Variants in DLGAP1 observed in about 807,000 individuals in gnomAD.
The protein encoded by DLGAP1 is DLG associated protein 1, also known as disks large-associated protein 1.
In DLGAP1, 11 loss-of-function variants were observed where a neutral mutation model predicts 90.8. The observed-to-expected ratio is 0.12, with a 90% CI of 0.08 to 0.20. The LOEUF (loss-of-function observed/expected upper bound fraction) is 0.20, where lower values mean the gene tolerates loss of function less well. Ranked by LOEUF, DLGAP1 falls within the 10% of genes least tolerant of loss-of-function variation. DLGAP1 has a pLI of 1.00. For missense variants in DLGAP1, 1,050 were observed against 1,333.8 expected, an observed-to-expected ratio of 0.79 and a Z score of 3.31; for synonymous variants, 558 against 540.7, an observed-to-expected ratio of 1.03 and a Z score of -0.44.
intron 7 of DLGAP1, among the ~76,000 whole-genome samples, chr18:3,684,777 A>G (rs2060639448): frequency 1.9e-5 from 1 of 51,990 alleles, no homozygotes; most frequent in African/African-American, 1.6e-4. Context: ...TGAAACAGGA[A>G]AAAAAATGTC....
chr18:4,253,326 TCAG>T (rs2078821908), intron 1 of DLGAP1, among the ~76,000 whole-genome samples: 2 of 152,138 alleles, frequency 1.3e-5, no homozygotes, highest in Admixed American at 1.3e-4. Context: ...AAGATAAGTT[TCAG>T]TGAGAAAAGG....
At chr18:3,825,370 C>T (rs62085185) in intron 4 of DLGAP1, among the ~76,000 whole-genome samples, 8,737 of 152,212 alleles carry the variant, frequency 0.057, 368 homozygotes, top group Non-Finnish European at 0.078. Flanking sequence ...TTCCAGGATA[C>T]CAAAATCCGT....
At chr18:3,520,011 G>T (rs1034373206) in intron 10 of DLGAP1, among the ~76,000 whole-genome samples, 1 of 151,984 alleles carries the variant, frequency 6.6e-6, no homozygotes, top group Non-Finnish European at 1.5e-5. Context: ...AAACCTGCAC[G>T]TTCAGCACAT....
chr18:3,834,162 C>T (rs879358302), intron 4 of DLGAP1, among the ~76,000 whole-genome samples: 10 of 151,706 alleles, frequency 6.6e-5, no homozygotes, highest in East Asian at 5.8e-4. Flanking sequence ...AAAAATTAGC[C>T]GGGTGTGGTG....
At chr18:4,003,080 C>T (rs1189304289) in intron 3 of DLGAP1, among the ~76,000 whole-genome samples, 1 of 152,164 alleles carries the variant, frequency 6.6e-6, no homozygotes, top group African/African-American at 2.4e-5. Context: ...AGCTTTGAGC[C>T]CTGATTCTTC....
At chr18:4,338,738 T>C (rs1030582267) in intron 1 of DLGAP1, among the ~76,000 whole-genome samples, 1 of 152,220 alleles carries the variant, frequency 6.6e-6, no homozygotes, top group Admixed American at 6.5e-5. Flanking sequence ...TCTTTATACA[T>C]AGATTGAGAA....
At chr18:4,128,116 T>G (rs1171476990) in intron 2 of DLGAP1, among the ~76,000 whole-genome samples, 1 of 152,184 alleles carries the variant, frequency 6.6e-6, no homozygotes, top group Non-Finnish European at 1.5e-5. Flanking sequence ...TGGTTGGTCC[T>G]TCATATCTGT....
At chr18:4,161,831 C>T (rs7232189) in intron 1 of DLGAP1, among the ~76,000 whole-genome samples, 11,655 of 152,182 alleles carry the variant, frequency 0.077, 1,482 homozygotes, top group African/African-American at 0.26. Flanking sequence ...GGAAGTTTAT[C>T]ATGCCTCAGA....
chr18:4,270,117 A>C (rs901269747), intron 1 of DLGAP1, among the ~76,000 whole-genome samples: 1 of 152,204 alleles, frequency 6.6e-6, no homozygotes, highest in Non-Finnish European at 1.5e-5. Context: ...AAAGAACCGG[A>C]TCTCTCTCAT....
chr18:4,065,472 A>C (rs1355805860), intron 2 of DLGAP1, among the ~76,000 whole-genome samples: 1 of 152,122 alleles, frequency 6.6e-6, no homozygotes, highest in Non-Finnish European at 1.5e-5. Context: ...ACTTCAGCAA[A>C]ATTTCAGGAT....
At chr18:3,949,361 C>T (rs76285118) in intron 3 of DLGAP1, among the ~76,000 whole-genome samples, 4,007 of 152,286 alleles carry the variant, frequency 0.026, 77 homozygotes, top group Middle Eastern at 0.088. Flanking sequence ...GTGGCTCCAT[C>T]TCTTTGTAGC....
At chr18:3,987,359 A>C (rs924690121) in intron 3 of DLGAP1, among the ~76,000 whole-genome samples, 2 of 152,240 alleles carry the variant, frequency 1.3e-5, no homozygotes, top group African/African-American at 4.8e-5. Flanking sequence ...CTACCAAAAA[A>C]AAGTTTGGAA....
intron 2 of DLGAP1, among the ~76,000 whole-genome samples, chr18:4,141,394 T>C (rs553260832): frequency 6.6e-6 from 1 of 152,102 alleles, no homozygotes; most frequent in South Asian, 2.1e-4. Context: ...CCTACTACTT[T>C]AGAAAACCCT....
chr18:3,878,150 T>C (rs976488586), intron 4 of DLGAP1: 29 of 144,800 alleles, frequency 2.0e-4, no homozygotes, highest in African/African-American at 5.8e-4. Flanking sequence ...GTTATACTTT[T>C]ATAGCTCAGT....
intron 1 of DLGAP1, among the ~76,000 whole-genome samples, chr18:4,364,457 T>C (rs1320868724): frequency 6.6e-6 from 1 of 152,082 alleles, no homozygotes; most frequent in African/African-American, 2.4e-5. Flanking sequence ...ATCATCAATA[T>C]GTATACACTG....
intron 8 of DLGAP1, 45 bp from the exon 9 acceptor site, chr18:3,567,626 C>T (rs1210983317): frequency 1.3e-6 from 2 of 1,536,670 alleles, no homozygotes; most frequent in South Asian, 1.1e-5. Flanking sequence ...TTTCAGTCAT[C>T]TTGCTTGAAA....
intron 7 of DLGAP1, among the ~76,000 whole-genome samples, chr18:3,655,256 C>G (rs139114954): frequency 9.2e-5 from 14 of 152,044 alleles, no homozygotes; most frequent in Non-Finnish European, 1.9e-4. Flanking sequence ...TCCCAATAAA[C>G]GAGAACACAC....
intron 5 of DLGAP1, chr18:3,771,171 G>T (rs2064515356): frequency 6.6e-6 from 1 of 152,198 alleles, no homozygotes; most frequent in South Asian, 2.1e-4. Flanking sequence ...CGTGCTGCAC[G>T]AGCTCAGGGC....
At chr18:3,925,743 T>C (rs1458793606) in intron 3 of DLGAP1, among the ~76,000 whole-genome samples, 1 of 152,196 alleles carries the variant, frequency 6.6e-6, no homozygotes, top group Non-Finnish European at 1.5e-5. Flanking sequence ...TTGTTCTCAT[T>C]CATTAACTAC....
Sources: gnomAD v4.1 joint callset for allele counts (sites outside exome capture counted in the v4.1 genomes callset) on GRCh38, gnomAD v4.1.1 for gene constraint, MANE v1.5 for transcripts, NCBI Gene and HGNC (gene_info 2026-07-23, HGNC 2026-07-21) for gene names.